Variants in PLD5 observed in about 807,000 individuals in gnomAD.
The protein encoded by PLD5 is phospholipase D family member 5.
A neutral mutation model predicts 61.1 loss-of-function variants in PLD5; 36 were observed. The observed-to-expected ratio is 0.59, with a 90% CI of 0.45 to 0.78. The LOEUF is 0.78. Ranked by LOEUF, PLD5 falls within the 30% of genes least tolerant of loss-of-function variation. The pLI is 0.00. For missense variants in PLD5, 515 were observed against 644.4 expected, an observed-to-expected ratio of 0.80 and a Z score of 2.17; for synonymous variants, 243 against 242.8, an observed-to-expected ratio of 1.00 and a Z score of -0.01.
chr1:242,393,518 AT>A (rs1663090323), intron 1 of PLD5, among the ~76,000 whole-genome samples: 2 of 87,642 alleles, frequency 2.3e-5, no homozygotes, highest in African/African-American at 1.0e-4. Context: ...GAGTATATAT[AT>A]ATGTGTATAT....
intron 4 of PLD5, among the ~76,000 whole-genome samples, chr1:242,238,069 C>T (rs1671755034): frequency 6.6e-6 from 1 of 152,064 alleles, no homozygotes; most frequent in Admixed American, 6.6e-5. Flanking sequence ...ATTACATTTC[C>T]CTTAGTTTAA....
chr1:242,313,124 T>C (rs1305313050), intron 2 of PLD5, among the ~76,000 whole-genome samples: 1 of 152,234 alleles, frequency 6.6e-6, no homozygotes, highest in Admixed American at 6.5e-5. Flanking sequence ...CTCAATAAAC[T>C]TTGGCCACTA....
intron 1 of PLD5, among the ~76,000 whole-genome samples, chr1:242,501,105 T>C (rs1170528992): frequency 6.6e-6 from 1 of 152,224 alleles, no homozygotes; most frequent in Non-Finnish European, 1.5e-5. Flanking sequence ...TGTCTGTCTC[T>C]CTGAAGTTAA....
chr1:242,186,797 G>T (rs1667931259), intron 5 of PLD5, among the ~76,000 whole-genome samples: 1 of 152,136 alleles, frequency 6.6e-6, no homozygotes, highest in Non-Finnish European at 1.5e-5. Context: ...GTTTAGTCAT[G>T]GACGCAAAGG....
chr1:242,386,842 GT>G (rs1490990353), intron 1 of PLD5, among the ~76,000 whole-genome samples: 4 of 152,322 alleles, frequency 2.6e-5, no homozygotes, highest in African/African-American at 7.2e-5. Flanking sequence ...ATTATACAAT[GT>G]TTTGTAGACA....
At chr1:242,187,604 C>T (rs1667988725) in intron 5 of PLD5, among the ~76,000 whole-genome samples, 1 of 152,162 alleles carries the variant, frequency 6.6e-6, no homozygotes, top group African/African-American at 2.4e-5. Flanking sequence ...TTAATGCCTG[C>T]ATCATGTTTC....
intron 2 of PLD5, among the ~76,000 whole-genome samples, chr1:242,318,496 C>G (rs1409546345): frequency 3.3e-5 from 5 of 152,162 alleles, no homozygotes; most frequent in African/African-American, 1.2e-4. Context: ...AGCCTCGACA[C>G]TTCGTTAGGC....
At chr1:242,457,858 T>C (rs1666991385) in intron 1 of PLD5, among the ~76,000 whole-genome samples, 1 of 152,182 alleles carries the variant, frequency 6.6e-6, no homozygotes, top group South Asian at 2.1e-4. Context: ...CTTTTCCTCC[T>C]CTTATTCAAG....
chr1:242,229,907 T>TA (rs60295070), intron 4 of PLD5, among the ~76,000 whole-genome samples: 30,773 of 140,376 alleles, frequency 0.22, 3,394 homozygotes, highest in East Asian at 0.38. Flanking sequence ...AAAATATTGA[T>TA]AAAAAAAAAA....
chr1:242,524,962 T>G (rs977109116), upstream of PLD5, among the ~76,000 whole-genome samples: 1 of 151,816 alleles, frequency 6.6e-6, no homozygotes, highest in East Asian at 2.0e-4. Context: ...GCCTCCTCGG[T>G]CCTGCTGGCT....
chr1:242,202,679 T>A (rs1282256752), intron 5 of PLD5, among the ~76,000 whole-genome samples: 2 of 152,218 alleles, frequency 1.3e-5, no homozygotes, highest in African/African-American at 4.8e-5. Flanking sequence ...ATTCCAGTTT[T>A]ATGATACATC....
intron 5 of PLD5, among the ~76,000 whole-genome samples, chr1:242,213,861 G>GT (rs200294841): frequency 0.1 from 14,607 of 142,306 alleles, 835 homozygotes; most frequent in Middle Eastern, 0.17. Context: ...TCTAGAATGG[G>GT]TTTTTTTTTT....
chr1:242,093,164 C>A (rs551431763), intron 9 of PLD5, among the ~76,000 whole-genome samples: 2 of 152,138 alleles, frequency 1.3e-5, no homozygotes, highest in African/African-American at 4.8e-5. Flanking sequence ...GCCAAGGTGG[C>A]GTTCCTGATC....
intron 1 of PLD5, among the ~76,000 whole-genome samples, chr1:242,415,539 G>T (rs1338056445): frequency 2.8e-5 from 4 of 144,450 alleles, no homozygotes; most frequent in African/African-American, 1.0e-4. Flanking sequence ...TTGAGACAGA[G>T]TCTTGCTCTG....
chr1:242,135,867 C>T (rs1663680587), intron 5 of PLD5, among the ~76,000 whole-genome samples: 1 of 152,182 alleles, frequency 6.6e-6, no homozygotes, highest in Admixed American at 6.5e-5. Flanking sequence ...ACTTCCTCCT[C>T]CTTTCTACTT....
At chr1:242,189,607 CA>C (rs1668122835) in intron 5 of PLD5, among the ~76,000 whole-genome samples, 1 of 152,122 alleles carries the variant, frequency 6.6e-6, no homozygotes, top group Admixed American at 6.6e-5. Context: ...TCACTATCTT[CA>C]AGGAATTTAA....
intron 1 of PLD5, among the ~76,000 whole-genome samples, chr1:242,388,313 G>A (rs1290558533): frequency 6.6e-6 from 1 of 152,164 alleles, no homozygotes; most frequent in Non-Finnish European, 1.5e-5. Context: ...GCACCTATGT[G>A]AAATGTGTGG....
intron 4 of PLD5, among the ~76,000 whole-genome samples, chr1:242,234,333 T>C (rs577121212): frequency 6.6e-6 from 1 of 152,262 alleles, no homozygotes; most frequent in African/African-American, 2.4e-5. Context: ...GCTCCAGTCT[T>C]AAGGAGCCCC....
chr1:242,510,738 A>C (rs1160043044), intron 1 of PLD5, among the ~76,000 whole-genome samples: 2 of 151,720 alleles, frequency 1.3e-5, no homozygotes, highest in Admixed American at 1.3e-4. Context: ...CCAGCTACTC[A>C]GGAGGCCGAG....
Sources: allele counts gnomAD v4.1 joint callset (sites outside exome capture counted in the v4.1 genomes callset), GRCh38; gene constraint gnomAD v4.1.1; transcripts MANE v1.5; gene names NCBI Gene and HGNC (gene_info 2026-07-23, HGNC 2026-07-21).